The following EEFSEC variants were observed in gnomAD, a reference collection of about 807,000 sequenced individuals.
The protein encoded by EEFSEC is selenocysteine-specific elongation factor.
In EEFSEC, 43 loss-of-function variants were observed where a neutral mutation model predicts 42.1. The ratio of observed to expected loss-of-function variants is 1.02; its 90% CI spans 0.80 to 1.32. EEFSEC has a LOEUF of 1.32. EEFSEC is among the 40% of genes most tolerant of loss of function. The pLI is 0.00. For synonymous variants in EEFSEC, 354 were observed against 339.1 expected (o/e 1.04, Z -0.48); for missense variants, 745 against 803.6 (o/e 0.93, Z 0.88).
downstream of EEFSEC, among the ~76,000 whole-genome samples, chr3:128,410,547 A>G (rs1008806760): frequency 6.6e-6 from 1 of 152,182 alleles, no homozygotes; most frequent in African/African-American, 2.4e-5. Flanking sequence ...TGCCGCCACC[A>G]GGGCACAGAT....
chr3:128,409,817 G>A (rs1448221573), downstream of EEFSEC, among the ~76,000 whole-genome samples: 1 of 152,116 alleles, frequency 6.6e-6, no homozygotes, highest in African/African-American at 2.4e-5. Context: ...ACTGTGTGCT[G>A]TGCCCCGACC....
At chr3:128,313,301 C>T (rs1288979962) in intron 4 of EEFSEC, among the ~76,000 whole-genome samples, 1 of 152,246 alleles carries the variant, frequency 6.6e-6, no homozygotes, top group Non-Finnish European at 1.5e-5. Flanking sequence ...AAGCCAAGGA[C>T]AGGGCAAAAT....
At chr3:128,254,797 G>C (rs2066224957) in intron 2 of EEFSEC, among the ~76,000 whole-genome samples, 1 of 152,118 alleles carries the variant, frequency 6.6e-6, no homozygotes, top group Admixed American at 6.5e-5. Context: ...GAGAGGGCCA[G>C]CACCTCAGAG....
intron 6 of EEFSEC, among the ~76,000 whole-genome samples, chr3:128,396,252 A>G (rs2067980307): frequency 6.6e-6 from 1 of 152,140 alleles, no homozygotes; most frequent in East Asian, 1.9e-4. Flanking sequence ...GCGCTAGTGG[A>G]GAAGAGAGAC....
chr3:128,339,153 G>C (rs2108072718), intron 4 of EEFSEC, among the ~76,000 whole-genome samples: 1 of 152,282 alleles, frequency 6.6e-6, no homozygotes, highest in African/African-American at 2.4e-5. Flanking sequence ...GATGTTTTCT[G>C]TTTCTTTGTG....
chr3:128,161,490 C>T (rs1340409114), intron 1 of EEFSEC, among the ~76,000 whole-genome samples: 1 of 152,124 alleles, frequency 6.6e-6, no homozygotes, highest in Non-Finnish European at 1.5e-5. Flanking sequence ...ACTATTTTAG[C>T]GGTGCCTCCT....
chr3:128,185,424 T>C (rs2065455793), intron 1 of EEFSEC, among the ~76,000 whole-genome samples: 1 of 152,144 alleles, frequency 6.6e-6, no homozygotes, highest in South Asian at 2.1e-4. Flanking sequence ...AACCATATCA[T>C]ATTTTTTTAG....
At chr3:128,358,395 C>A (rs373297982) in intron 6 of EEFSEC, 22 bp downstream of exon 6, 1 of 1,613,094 alleles carries the variant, frequency 6.2e-7, no homozygotes, top group Non-Finnish European at 8.5e-7. Context: ...CACTTCCTCC[C>A]GGTTTAGGGA....
intron 4 of EEFSEC, among the ~76,000 whole-genome samples, chr3:128,323,229 C>A (rs1213301650): frequency 6.6e-6 from 1 of 152,150 alleles, no homozygotes; most frequent in Non-Finnish European, 1.5e-5. Flanking sequence ...CAGCCCTGAG[C>A]TTTGCTTGTA....
chr3:128,405,268 G>A (rs1027234267), intron 6 of EEFSEC, among the ~76,000 whole-genome samples: 2 of 152,026 alleles, frequency 1.3e-5, no homozygotes, highest in African/African-American at 4.8e-5. Flanking sequence ...CACCCACCTC[G>A]GCCTCCCAAA....
chr3:128,265,423 C>T (rs2066344042), intron 4 of EEFSEC, among the ~76,000 whole-genome samples: 1 of 152,162 alleles, frequency 6.6e-6, no homozygotes, highest in African/African-American at 2.4e-5. Context: ...AAGATAGTGC[C>T]TTGATATTCC....
At chr3:128,236,899 T>G (rs1328836011) in intron 1 of EEFSEC, among the ~76,000 whole-genome samples, 1 of 152,252 alleles carries the variant, frequency 6.6e-6, no homozygotes, top group East Asian at 1.9e-4. Context: ...ACTGTGAAAT[T>G]CACTTACTGT....
chr3:128,291,885 A>G (rs2066647965), intron 4 of EEFSEC, among the ~76,000 whole-genome samples: 1 of 152,170 alleles, frequency 6.6e-6, no homozygotes, highest in African/African-American at 2.4e-5. Flanking sequence ...AAATGTTTAT[A>G]CTATTTCACT....
chr3:128,341,214 C>G lies in EEFSEC; in HGVS notation c.787-19C>G, dbSNP rs1205997722. On this transcript the variant is annotated intron_variant, in intron 4 of 6. Transcript: ENST00000254730. ...GAGGCTTGTTGGTTTCATGTGCTCT[C>G]TTGCTTACTCCCCATCAGGTGGTGA... The G allele has an allele frequency of 6.3e-7, 1 of 1,583,282 alleles. No homozygotes were observed. The highest frequency in any genetic ancestry group is 1.7e-5 in the Admixed American group (1 of 57,870).
chr3:128,313,340 G>A lies in EEFSEC; in HGVS notation c.787-27893G>A, dbSNP rs115707186. Among the ~76,000 whole-genome samples the A allele has an allele frequency of 6.1e-3, 928 of 152,372 alleles. 13 individuals are homozygous for A. The highest frequency in any genetic ancestry group is 0.021 in the African/African-American group (883 of 41,586). On this transcript the variant is annotated intron_variant, in intron 4 of 6. Coordinates refer to ENST00000254730, the MANE Select transcript of EEFSEC (RefSeq NM_021937.5). The stretch of plus-strand genomic sequence containing the variant: ...GATGCAAGGAAGGGTTTATCCTCCT[G>A]GCAACAGGGTTGCACTCATGTTTCT...
At chr3:128,253,203 G>C (rs1297743002) in intron 2 of EEFSEC, among the ~76,000 whole-genome samples, 1 of 152,206 alleles carries the variant, frequency 6.6e-6, no homozygotes, top group Non-Finnish European at 1.5e-5. Context: ...AAGCTTTATA[G>C]GTAATCTCTG....
chr3:128,387,053 G>T (rs2067847964), intron 6 of EEFSEC, among the ~76,000 whole-genome samples: 1 of 152,248 alleles, frequency 6.6e-6, no homozygotes, highest in Non-Finnish European at 1.5e-5. Flanking sequence ...ACAGGGCCCA[G>T]GTGAGGAGGA....
chr3:128,236,971 G>A (rs1214044479), intron 1 of EEFSEC, among the ~76,000 whole-genome samples: 1 of 152,218 alleles, frequency 6.6e-6, no homozygotes, highest in Non-Finnish European at 1.5e-5. Context: ...CAAGGGGTAG[G>A]GACTGTTGTC....
intron 2 of EEFSEC, among the ~76,000 whole-genome samples, chr3:128,252,173 C>T (rs1264132950): frequency 6.6e-6 from 1 of 151,754 alleles, no homozygotes; most frequent in Non-Finnish European, 1.5e-5. Flanking sequence ...CCAGAGCCCT[C>T]TGTCTGGAGC....
Sources: gnomAD v4.1 joint callset for allele counts (sites outside exome capture counted in the v4.1 genomes callset) on GRCh38, gnomAD v4.1.1 for gene constraint, MANE v1.5 for transcripts, NCBI Gene and HGNC (gene_info 2026-07-23, HGNC 2026-07-21) for gene names.